PAPSS2: variants seen among roughly 807,000 people sequenced by gnomAD.
PAPSS2 encodes the protein 3'-phosphoadenosine 5'-phosphosulfate synthase 2.
Under a neutral mutation model 66.5 loss-of-function variants are expected in PAPSS2, and 61 were observed. That is an observed-to-expected ratio of 0.92 (90% CI 0.75 to 1.14). PAPSS2 has a LOEUF of 1.14. Among genes scored for constraint, PAPSS2 ranks in the 50% most tolerant of loss-of-function variants. The pLI is 0.00. For synonymous variants in PAPSS2, 289 were observed against 287.5 expected, an observed-to-expected ratio of 1.01 and a Z score of -0.05; for missense variants, 708 against 789.6, an observed-to-expected ratio of 0.90 and a Z score of 1.24.
chr10:87,743,160 C>T (rs556325445), intron 10 of PAPSS2, among the ~76,000 whole-genome samples: 4 of 151,130 alleles, frequency 2.6e-5, no homozygotes, highest in African/African-American at 7.3e-5. Flanking sequence ...GCAGGAGAAT[C>T]GCTTGAATCC....
chr10:87,745,148 C>T lies in PAPSS2; in HGVS notation c.1638C>T (p.Gly546=), dbSNP rs766578941. The T allele has an allele frequency of 6.2e-7, 1 of 1,614,038 alleles. No homozygotes were observed. Among genetic ancestry groups the T allele is most frequent in the African/African-American group, 1.3e-5 (1 of 74,938 alleles). ...HGGKVLSMAP[G]LTSVEIIPFR... The stretch of plus-strand genomic sequence containing the variant: ...GCAAGGTCTTGAGCATGGCCCCTGG[C>T]CTCACCTCTGTGGAAATCATTCCAT... The change falls in exon 12 of 13, where the codon GGC becomes GGT. Residue 546 remains glycine (G), a synonymous_variant. Coordinates refer to ENST00000456849, the MANE Select transcript of PAPSS2 (RefSeq NM_001015880.2).
At chr10:87,741,997 A>T (rs1476455592) in intron 10 of PAPSS2, among the ~76,000 whole-genome samples, 9 of 151,970 alleles carry the variant, frequency 5.9e-5, no homozygotes, top group Admixed American at 5.9e-4. Context: ...GGCTCAAGCA[A>T]TCTCCCCGCC....
chr10:87,708,405 G>A (rs1049388189), intron 1 of PAPSS2, among the ~76,000 whole-genome samples: 3 of 152,170 alleles, frequency 2.0e-5, no homozygotes, highest in South Asian at 2.1e-4. Flanking sequence ...CACTCTTGCC[G>A]TGTCTCTGAT....
intron 6 of PAPSS2, 105 bp downstream of exon 6, chr10:87,715,203 A>G (rs1306277906): frequency 5.5e-6 from 4 of 721,672 alleles, no homozygotes; most frequent in Middle Eastern, 2.3e-4. Context: ...GGTGCACATA[A>G]TGTCCATAAA....
chr10:87,668,223 G>A (rs1172563771), intron 1 of PAPSS2, among the ~76,000 whole-genome samples: 6 of 152,164 alleles, frequency 3.9e-5, no homozygotes, highest in Admixed American at 3.9e-4. Flanking sequence ...TTAACTTTTT[G>A]GCCCTCTGCT....
chr10:87,721,961 A>G (rs952276347), intron 8 of PAPSS2, among the ~76,000 whole-genome samples, 191 bp downstream of exon 8: 2 of 152,164 alleles, frequency 1.3e-5, no homozygotes, highest in African/African-American at 4.8e-5. Flanking sequence ...ACAACAGGAA[A>G]TTTCCCAACC....
At chr10:87,713,493 T>A (rs1289905923) in intron 3 of PAPSS2, among the ~76,000 whole-genome samples, 183 bp downstream of exon 3, 2 of 152,058 alleles carry the variant, frequency 1.3e-5, no homozygotes, top group African/African-American at 2.4e-5. Context: ...ATTGGTTATA[T>A]AAAGGAGTTC....
At chr10:87,706,616 A>G (rs1287304383) in intron 1 of PAPSS2, among the ~76,000 whole-genome samples, 2 of 151,348 alleles carry the variant, frequency 1.3e-5, no homozygotes, top group African/African-American at 2.4e-5. Flanking sequence ...AAAATTAACC[A>G]GGTATGATGG....
intron 8 of PAPSS2, among the ~76,000 whole-genome samples, chr10:87,726,636 A>T (rs1853662725): frequency 6.6e-6 from 1 of 152,178 alleles, no homozygotes; most frequent in Admixed American, 6.5e-5. Flanking sequence ...TAAAAATTTA[A>T]AATTAAAGAA....
intron 1 of PAPSS2, among the ~76,000 whole-genome samples, chr10:87,666,874 A>C (rs1218464320): frequency 1.3e-5 from 2 of 151,978 alleles, no homozygotes; most frequent in South Asian, 2.1e-4. Flanking sequence ...GGGCTGCTGA[A>C]ACCCACCCTC....
At chr10:87,723,168 T>A (rs1226177011) in intron 8 of PAPSS2, among the ~76,000 whole-genome samples, 2 of 152,362 alleles carry the variant, frequency 1.3e-5, no homozygotes, top group East Asian at 3.9e-4. Context: ...CAAGTCATTC[T>A]TTATAAGCAG....
At chr10:87,744,852 G>A (rs768184349) in intron 11 of PAPSS2, 150 bp from the exon 12 acceptor site, 30 of 697,888 alleles carry the variant, frequency 4.3e-5, no homozygotes, top group Middle Eastern at 3.8e-4. Flanking sequence ...AAGAGTGCAC[G>A]GAGTCTTAGA....
At chr10:87,718,550 C>G (rs1853559815) in intron 7 of PAPSS2, among the ~76,000 whole-genome samples, 1 of 152,190 alleles carries the variant, frequency 6.6e-6, no homozygotes, top group Non-Finnish European at 1.5e-5. Flanking sequence ...AAAGCCTACC[C>G]AAGTGTTTTT....
chr10:87,745,888 G>A lies in PAPSS2; in HGVS notation c.1778G>A (p.Gly593Glu), dbSNP rs779537289. The A allele has an allele frequency of 9.9e-6, 16 of 1,613,972 alleles. No individual in the cohort carries two copies. The highest frequency in any genetic ancestry group is 1.4e-5 in the Non-Finnish European group (16 of 1,179,998). Residue 593 changes from glycine to glutamate, a missense_variant, in exon 13 of 13, where the codon GGA (glycine) becomes GAA (glutamate). Physicochemically the swap from Gly to Glu is moderately conservative, Grantham distance 98. Transcript: ENST00000456849. ...GTRMRKLARE[G>E]ENPPDGFMAP... is the part of the protein sequence containing the mutation. Reference sequence around the variant, plus strand: ...CGAATGAGGAAGCTCGCCCGGGAAGGAGAGAATCCCCCAGATGGCTTCATG... The same window carrying A: ...CGAATGAGGAAGCTCGCCCGGGAAGAAGAGAATCCCCCAGATGGCTTCATG...
chr10:87,703,605 G>T (rs1045932529), intron 1 of PAPSS2: 16 of 425,244 alleles, frequency 3.8e-5, no homozygotes, highest in Admixed American at 5.4e-5. Context: ...TACAGAGAAA[G>T]ATAAGGAGGT....
intron 8 of PAPSS2, 101 bp from the exon 9 acceptor site, chr10:87,727,183 G>A: frequency 9.9e-7 from 1 of 1,012,802 alleles, no homozygotes; most frequent in Non-Finnish European, 1.6e-6. Context: ...AATGCTTCTT[G>A]AAGGAAATGT....
At chr10:87,684,893 G>A (rs7908056) in intron 1 of PAPSS2, among the ~76,000 whole-genome samples, 59,723 of 152,044 alleles carry the variant, frequency 0.39, 12,484 homozygotes, top group Non-Finnish European at 0.48. Context: ...TTATGCCTCA[G>A]TGTCTGACTG....
intron 6 of PAPSS2, 28 bp downstream of exon 6, chr10:87,715,126 T>A: frequency 9.1e-7 from 1 of 1,097,344 alleles, no homozygotes; most frequent in African/African-American, 1.5e-5. Context: ...GGTCAAATAA[T>A]TAGGCTTAAT....
At position 87,714,362 on chromosome 10, in the gene PAPSS2, G is replaced by A. The variant is rs548172955; in HGVS notation, c.520+180G>A. On this transcript the variant is annotated intron_variant, in intron 4 of 12. Transcript: ENST00000456849. ...GCCCAGAGGCTTATTAAAAGGTAGG[G>A]TTTTATTTTTAAGAATTGTCATCTC... 6.6e-5 allele frequency among the ~76,000 whole-genome samples: 10 copies of A among 152,250 alleles called. No homozygotes were observed. In the South Asian group the frequency reaches 1.2e-3, roughly 19 times the overall value.
Sources: gnomAD v4.1 joint callset for allele counts (sites outside exome capture counted in the v4.1 genomes callset) on GRCh38, gnomAD v4.1.1 for gene constraint, MANE v1.5 for transcripts, NCBI Gene and HGNC (gene_info 2026-07-23, HGNC 2026-07-21) for gene names.